Variants in CDC42BPA observed in about 807,000 individuals in gnomAD.
CDC42BPA encodes the protein CDC42 binding protein kinase alpha.
In CDC42BPA, 80 loss-of-function variants were observed where a neutral mutation model predicts 223.5. That is an observed-to-expected ratio of 0.36 (90% confidence interval 0.30 to 0.43). The LOEUF (loss-of-function observed/expected upper bound fraction) is 0.43, where lower values mean the gene tolerates loss of function less well. CDC42BPA is among the 20% of genes least tolerant of loss of function. CDC42BPA has a pLI of 1.00. For missense variants in CDC42BPA, 1,743 were observed against 2,099.9 expected (o/e 0.83, Z 3.32); for synonymous variants, 694 against 718.6 (o/e 0.97, Z 0.55).
At chr1:227,077,333 A>G (rs1679701701) in intron 17 of CDC42BPA, among the ~76,000 whole-genome samples, 1 of 152,190 alleles carries the variant, frequency 6.6e-6, no homozygotes, top group African/African-American at 2.4e-5. Context: ...TTCCAGCCTA[A>G]TGACCAGAAC....
chr1:227,123,392 A>G (rs1689009355), intron 11 of CDC42BPA, among the ~76,000 whole-genome samples: 1 of 152,152 alleles, frequency 6.6e-6, no homozygotes, highest in Admixed American at 6.6e-5. Context: ...ATAAAATTCA[A>G]CTTGTTAGTA....
chr1:227,134,502 C>T lies in CDC42BPA; in HGVS notation c.1390+5074G>A, dbSNP rs12027806. 5.2e-3 allele frequency among the ~76,000 whole-genome samples: 768 copies of T among 147,888 alleles called. 11 individuals carry two copies. Among genetic ancestry groups the T allele is most frequent in the Admixed American group, 0.033 (500 of 14,926 alleles). On this transcript the variant is annotated intron_variant, in intron 10 of 36. Transcript: ENST00000366766. ...GTCAAATATCTAATATCTCCTCTAC[C>T]TTCCTAACTCTCAGTGGATGACCCT...
At chr1:227,261,721 C>T (rs982630392) in intron 1 of CDC42BPA, among the ~76,000 whole-genome samples, 1 of 152,066 alleles carries the variant, frequency 6.6e-6, no homozygotes, top group African/African-American at 2.4e-5. Flanking sequence ...CGATCCACAA[C>T]GAATGAAGGT....
chr1:227,181,886 A>G (rs1667999840), intron 5 of CDC42BPA, among the ~76,000 whole-genome samples: 1 of 152,204 alleles, frequency 6.6e-6, no homozygotes, highest in South Asian at 2.1e-4. Context: ...TTACTTACAT[A>G]AAAGCAGGCA....
intron 21 of CDC42BPA, among the ~76,000 whole-genome samples, chr1:227,065,456 T>C (rs533676823): frequency 6.1e-4 from 93 of 152,184 alleles, no homozygotes; most frequent in Non-Finnish European, 1.1e-3. Flanking sequence ...GGGAAGGGAA[T>C]GACTGGTATT....
intron 34 of CDC42BPA, among the ~76,000 whole-genome samples, chr1:227,008,011 T>C (rs1664429661): frequency 6.6e-6 from 1 of 152,210 alleles, no homozygotes; most frequent in Non-Finnish European, 1.5e-5. Context: ...ACAGTTCAGT[T>C]TGTCCTGGTT....
chr1:227,221,994 T>A (rs569963187), intron 2 of CDC42BPA, among the ~76,000 whole-genome samples: 16 of 137,800 alleles, frequency 1.2e-4, no homozygotes, highest in Admixed American at 5.5e-4. Flanking sequence ...GAGGGAAGAT[T>A]ACTTGAGCCC....
Position 227,034,797 on chromosome 1 carries a change from T to C in CDC42BPA, c.3337-3A>G, listed in dbSNP as rs1335673044. 1.3e-6 allele frequency: 2 copies of C among 1,507,578 alleles called. No individual in the cohort carries two copies. The highest frequency in any genetic ancestry group is 2.4e-5 in the East Asian group (1 of 41,538). 93.4% of individuals were successfully genotyped at this position (1,507,578 alleles called of 1,614,324 possible). A position where few individuals can be genotyped will look rare whatever the true frequency, so the allele number is the denominator to read the frequency against. ...TTCACTCCAGCTGGCTTAGGAATCT[T>C]AGTTTTGTTTTAGACAGACAAACAG... On this transcript the variant is annotated splice_polypyrimidine_tract_variant and splice_region_variant and intron_variant, in intron 25 of 36. Transcript: ENST00000366766.
At chr1:227,058,535 T>C (rs1162469352) in intron 21 of CDC42BPA, among the ~76,000 whole-genome samples, 2 of 152,208 alleles carry the variant, frequency 1.3e-5, no homozygotes, top group African/African-American at 2.4e-5. Flanking sequence ...ACATAGTATA[T>C]GAAAATCCCA....
chr1:227,217,950 C>G (rs887778703), intron 2 of CDC42BPA, among the ~76,000 whole-genome samples: 29 of 152,086 alleles, frequency 1.9e-4, no homozygotes, highest in African/African-American at 6.3e-4. Flanking sequence ...TATTTAAGTA[C>G]TTTGTTCATT....
intron 11 of CDC42BPA, among the ~76,000 whole-genome samples, 183 bp downstream of exon 11, chr1:227,128,926 C>G (rs1202095708): frequency 6.6e-6 from 1 of 152,176 alleles, no homozygotes; most frequent in Non-Finnish European, 1.5e-5. Context: ...AACTGTTTAT[C>G]TGTTTCCCAG....
chr1:227,237,227 G>A (rs1487310292), intron 2 of CDC42BPA, among the ~76,000 whole-genome samples: 1 of 131,260 alleles, frequency 7.6e-6, no homozygotes, highest in African/African-American at 2.9e-5. Flanking sequence ...CATGGAACTT[G>A]CATGAATTCA....
chr1:227,231,335 G>A (rs1419757803), intron 2 of CDC42BPA, among the ~76,000 whole-genome samples: 2 of 152,018 alleles, frequency 1.3e-5, no homozygotes, highest in Non-Finnish European at 2.9e-5. Context: ...TGGCTGCATA[G>A]TATTCCATGG....
chr1:227,137,298 T>C (rs1658766633), intron 10 of CDC42BPA, among the ~76,000 whole-genome samples: 1 of 152,070 alleles, frequency 6.6e-6, no homozygotes, highest in Non-Finnish European at 1.5e-5. Context: ...GAAATGCAAA[T>C]TAAAATCATG....
At chr1:227,269,382 A>G (rs1685599666) in intron 1 of CDC42BPA, among the ~76,000 whole-genome samples, 1 of 152,266 alleles carries the variant, frequency 6.6e-6, no homozygotes, top group Non-Finnish European at 1.5e-5. Flanking sequence ...TGCCATAATT[A>G]GAGAAACAAT....
chr1:227,240,064 AAAAT>A (rs1366760724), intron 2 of CDC42BPA, among the ~76,000 whole-genome samples: 1 of 152,160 alleles, frequency 6.6e-6, no homozygotes, highest in Non-Finnish European at 1.5e-5. Flanking sequence ...AAACTACTAA[AAAAT>A]AAATGACTTT....
rs1262203566 is a variant in CDC42BPA, at chr1:226,993,036, T to C, written c.*1232A>G. On this transcript the variant is annotated 3_prime_UTR_variant, in exon 37 of 37. Coordinates refer to ENST00000366766, the MANE Select transcript of CDC42BPA (RefSeq NM_001394014.1). ...CTTGCTTTTGAGGTTTTACATTATT[T>C]GGTAATGAAAGCCGTTTTTTCTTCC... The C allele has an allele frequency of 2.0e-5, 3 of 152,224 alleles. No individual in the cohort carries two copies. Among genetic ancestry groups the C allele is most frequent in the Admixed American group, 2.0e-4 (3 of 15,284 alleles). 9.4% of individuals were successfully genotyped at this position (152,224 alleles called of 1,614,324 possible). A position where few individuals can be genotyped will look rare whatever the true frequency, so the allele number is the denominator to read the frequency against.
intron 34 of CDC42BPA, among the ~76,000 whole-genome samples, chr1:227,015,165 G>A (rs757666999): frequency 1.2e-4 from 18 of 151,890 alleles, no homozygotes; most frequent in Non-Finnish European, 1.8e-4. Context: ...GGTGGCTCAC[G>A]CCTGTAATCC....
At position 227,297,967 on chromosome 1, in the gene CDC42BPA, T is replaced by TACACACAC. The variant is rs1553440423; in HGVS notation, c.178+19030_178+19037dup. Among the ~76,000 whole-genome samples the TACACACAC allele has an allele frequency of 1.2e-3, 162 of 132,066 alleles. 2 individuals are homozygous for TACACACAC. The highest frequency in any genetic ancestry group is 6.1e-3 in the East Asian group (29 of 4,744). 86.6% of individuals were successfully genotyped at this position (132,066 alleles called of 152,430 possible). ...GTGTGTGTGTGTGTATATATACATA[T>TACACACAC]ACACACACACACACATATATACATA... is the stretch of plus-strand genomic sequence containing the variant. On this transcript the variant is annotated intron_variant, in intron 1 of 36. Coordinates refer to ENST00000366766, the MANE Select transcript of CDC42BPA (RefSeq NM_001394014.1).
Sources: allele counts gnomAD v4.1 joint callset (sites outside exome capture counted in the v4.1 genomes callset), GRCh38; gene constraint gnomAD v4.1.1; transcripts MANE v1.5; gene names NCBI Gene and HGNC (gene_info 2026-07-23, HGNC 2026-07-21).